Variants in SLIT2 observed in about 807,000 individuals in gnomAD.
The protein encoded by SLIT2 is slit homolog 2 protein.
Under a neutral mutation model 185.7 loss-of-function variants are expected in SLIT2, and 41 were observed. The ratio of observed to expected loss-of-function variants is 0.22; its 90% CI spans 0.17 to 0.29. The LOEUF is 0.29. Ranked by LOEUF, SLIT2 falls within the 10% of genes least tolerant of loss-of-function variation. The pLI, the probability that SLIT2 is intolerant of heterozygous loss-of-function variation, is 1.00. For synonymous variants in SLIT2, 693 were observed against 680.2 expected (o/e 1.02, Z -0.29); for missense variants, 1,571 against 1,909.0 (o/e 0.82, Z 3.30).
intron 34 of SLIT2, among the ~76,000 whole-genome samples, chr4:20,612,320 A>C (rs1246647914): frequency 6.6e-6 from 1 of 151,286 alleles, no homozygotes; most frequent in Non-Finnish European, 1.5e-5. Context: ...CCAAAAAAAA[A>C]AAAGAGGAAA....
intron 9 of SLIT2, among the ~76,000 whole-genome samples, chr4:20,507,244 T>A (rs1409908531): frequency 6.6e-6 from 1 of 151,964 alleles, no homozygotes; most frequent in Non-Finnish European, 1.5e-5. Flanking sequence ...ATAATTTGGG[T>A]TTTTTTGGTG....
At chr4:20,489,203 C>G (rs1577767838) in intron 8 of SLIT2, among the ~76,000 whole-genome samples, 1 of 152,288 alleles carries the variant, frequency 6.6e-6, no homozygotes, top group Non-Finnish European at 1.5e-5. Context: ...TGATAAAACA[C>G]TTTTCAGTTT....
At position 20,541,337 on chromosome 4, in the gene SLIT2, CA is replaced by C. The variant is rs1205198281; in HGVS notation, c.1977-113del. On this transcript the variant is annotated intron_variant, in intron 19 of 36. Transcript: ENST00000504154. ...TGAGTAAGAATGGGGACAGGGAATG[CA>C]AAGAAGAAGGAATCATTCCAGCGGA... The C allele has an allele frequency of 7.3e-5, 60 of 816,772 alleles. No individual in the cohort carries two copies. The East Asian group carries it at 1.5e-3, about 21-fold the overall frequency. The allele number at this position is 816,772 out of a possible 1,614,324, so 50.6% of individuals were successfully genotyped here.
intron 18 of SLIT2, 71 bp from the exon 19 acceptor site, chr4:20,539,370 C>T (rs1000019094): frequency 5.5e-5 from 75 of 1,369,160 alleles, no homozygotes; most frequent in Non-Finnish European, 7.4e-5. Flanking sequence ...AGGATCATTT[C>T]GATCCTCAGA....
At chr4:20,292,349 C>T (rs955952220) in intron 4 of SLIT2, among the ~76,000 whole-genome samples, 3 of 152,108 alleles carry the variant, frequency 2.0e-5, no homozygotes, top group African/African-American at 7.2e-5. Flanking sequence ...TTCTGAGCTT[C>T]AGTATTTTCT....
intron 29 of SLIT2, among the ~76,000 whole-genome samples, chr4:20,576,031 G>C (rs1400277383): frequency 6.6e-6 from 1 of 152,144 alleles, no homozygotes; most frequent in African/African-American, 2.4e-5. Context: ...ATAGACATTT[G>C]AGAGTAACAT....
chr4:20,487,163 AT>A (rs992568678), intron 7 of SLIT2, among the ~76,000 whole-genome samples: 1 of 151,886 alleles, frequency 6.6e-6, no homozygotes, highest in Non-Finnish European at 1.5e-5. Flanking sequence ...TTTTAATGTC[AT>A]TTTTTTCTTA....
chr4:20,266,108 T>TTAGA (rs1482447051), intron 3 of SLIT2, among the ~76,000 whole-genome samples: 1 of 151,832 alleles, frequency 6.6e-6, no homozygotes, highest in Non-Finnish European at 1.5e-5. Context: ...ACACAGTGAA[T>TTAGA]TAGAACACAT....
At chr4:20,301,233 A>G (rs954810643) in intron 4 of SLIT2, among the ~76,000 whole-genome samples, 1 of 152,246 alleles carries the variant, frequency 6.6e-6, no homozygotes, top group African/African-American at 2.4e-5. Context: ...ATAACACTAC[A>G]TTTTTATAAT....
At position 20,320,881 on chromosome 4, in the gene SLIT2, A is replaced by G. The variant is rs371378995; in HGVS notation, c.395+52000A>G. On this transcript the variant is annotated intron_variant, in intron 4 of 36. Transcript: ENST00000504154. ...CATCAAACACATAAAAGCTAAATTT[A>G]GGCCAGGTGCAGTGGCCCATGCCTG... Among the ~76,000 whole-genome samples the G allele has an allele frequency of 1.6e-4, 25 of 152,252 alleles. No individual in the cohort carries two copies. In the South Asian group the frequency reaches 2.7e-3, roughly 16 times the overall value.
chr4:20,479,642 A>G (rs1716492212), intron 5 of SLIT2, among the ~76,000 whole-genome samples: 1 of 151,074 alleles, frequency 6.6e-6, no homozygotes, highest in South Asian at 2.1e-4. Context: ...AAAAAAAAAG[A>G]GTGTGGTACA....
chr4:20,540,593 A>G (rs1722721828), intron 19 of SLIT2, among the ~76,000 whole-genome samples: 1 of 152,180 alleles, frequency 6.6e-6, no homozygotes, highest in Non-Finnish European at 1.5e-5. Flanking sequence ...AAAAAGCAGC[A>G]TTTGAAATTA....
chr4:20,527,700 A>C (rs1053080216), intron 15 of SLIT2, among the ~76,000 whole-genome samples: 1 of 152,218 alleles, frequency 6.6e-6, no homozygotes, highest in African/African-American at 2.4e-5. Flanking sequence ...AAATTTTACA[A>C]AGCATGACAA....
At chr4:20,469,773 T>G (rs917865073) in intron 5 of SLIT2, among the ~76,000 whole-genome samples, 5 of 136,168 alleles carry the variant, frequency 3.7e-5, no homozygotes, top group Non-Finnish European at 8.0e-5. Flanking sequence ...TTTTTTTTTT[T>G]GAGATGGTGT....
At chr4:20,596,038 A>G (rs570913946) in intron 31 of SLIT2, among the ~76,000 whole-genome samples, 128 of 152,348 alleles carry the variant, frequency 8.4e-4, no homozygotes, top group African/African-American at 3.1e-3. Flanking sequence ...CTGTATCAAA[A>G]TACCTCATTT....
At chr4:20,475,712 T>C (rs1716024122) in intron 5 of SLIT2, among the ~76,000 whole-genome samples, 1 of 152,132 alleles carries the variant, frequency 6.6e-6, no homozygotes, top group Non-Finnish European at 1.5e-5. Context: ...CGTTAGCAAT[T>C]ATTATTATCA....
chr4:20,279,206 G>C (rs1345116342), intron 4 of SLIT2, among the ~76,000 whole-genome samples: 1 of 152,168 alleles, frequency 6.6e-6, no homozygotes, highest in Non-Finnish European at 1.5e-5. Context: ...GAAATACTCT[G>C]TATTGTACTT....
chr4:20,371,046 C>A (rs61789394), intron 4 of SLIT2, among the ~76,000 whole-genome samples: 24,701 of 151,954 alleles, frequency 0.16, 2,573 homozygotes, highest in East Asian at 0.43. Flanking sequence ...TAGGGGATGG[C>A]ATAGTTTCTT....
At position 20,542,548 on chromosome 4, in the gene SLIT2, G is replaced by T; in HGVS notation, c.2198G>T (p.Cys733Phe). ...PLSRCPTECT[C>F]LDTVVRCSNK... is the part of the protein sequence containing the mutation. ...TCTCGCTGTCCTACTGAATGTACTTGCTTGGATACAGTCGTCCGATGTAGC... is the reference window on the plus strand; with the variant it reads ...TCTCGCTGTCCTACTGAATGTACTTTCTTGGATACAGTCGTCCGATGTAGC... The change falls in exon 21 of 37, where the codon TGC (cysteine) becomes TTC (phenylalanine). Residue 733 changes from cysteine to phenylalanine, a missense_variant. Coordinates refer to ENST00000504154, the MANE Select transcript of SLIT2 (RefSeq NM_004787.4). 6.2e-7 allele frequency: 1 copy of T among 1,613,680 alleles called. No homozygotes were observed. Among genetic ancestry groups the T allele is most frequent in the Non-Finnish European group, 8.5e-7 (1 of 1,179,680 alleles).
Sources: gnomAD v4.1 joint callset for allele counts (sites outside exome capture counted in the v4.1 genomes callset) on GRCh38, gnomAD v4.1.1 for gene constraint, MANE v1.5 for transcripts, NCBI Gene and HGNC (gene_info 2026-07-23, HGNC 2026-07-21) for gene names.